KIRREL3: variants seen among roughly 807,000 people sequenced by gnomAD.
KIRREL3 encodes the protein kirre like nephrin family adhesion molecule 3, also known as kin of IRRE-like protein 3.
A neutral mutation model predicts 89.7 loss-of-function variants in KIRREL3; 36 were observed. The ratio of observed to expected loss-of-function variants is 0.40; its 90% CI spans 0.31 to 0.53. KIRREL3 has a LOEUF of 0.53. Ranked by LOEUF, KIRREL3 falls within the 20% of genes least tolerant of loss-of-function variation. The pLI is 0.49. For synonymous variants in KIRREL3, 445 were observed against 441.4 expected (o/e 1.01, Z -0.10); for missense variants, 864 against 1,056.6 (o/e 0.82, Z 2.53).
chr11:126,777,406 G>A lies in KIRREL3; in HGVS notation c.56-214494C>T, dbSNP rs998774256. Among the ~76,000 whole-genome samples the A allele has an allele frequency of 2.6e-5, 4 of 152,316 alleles. No homozygotes were observed. In the South Asian group the frequency reaches 8.3e-4, roughly 32 times the overall value. On this transcript the variant is annotated intron_variant, in intron 1 of 16. Coordinates refer to ENST00000525144, the MANE Select transcript of KIRREL3 (RefSeq NM_032531.4). ...AGAGTTAATGAAGGCAATGGCAAGA[G>A]ATGAGGCTGAAAATGTAGGTTGGAG...
chr11:126,745,013 C>T (rs1292906176), intron 1 of KIRREL3, among the ~76,000 whole-genome samples: 3 of 152,150 alleles, frequency 2.0e-5, no homozygotes, highest in African/African-American at 7.2e-5. Context: ...GTTGCATATT[C>T]TGGTTAGAGG....
chr11:126,807,264 A>C lies in KIRREL3; in HGVS notation c.55+193191T>G, dbSNP rs1426071251. 1.3e-5 allele frequency among the ~76,000 whole-genome samples: 2 copies of C among 152,214 alleles called. No individual in the cohort carries two copies. The highest frequency in any genetic ancestry group is 2.9e-5 in the Non-Finnish European group (2 of 68,040). On this transcript the variant is annotated intron_variant, in intron 1 of 16. Transcript: ENST00000525144. This position sits in a 1 kb window ranked among gnomAD's most constrained non-coding sequence, Gnocchi z 4.3. ...CCTATACTTCTAACAAAGAAATGTC[A>C]TCTGAAATTTTACAATGGAGCACAG...
rs1948908367 is a variant in KIRREL3 at position 126,739,436 on chromosome 11, A to G, written c.56-176524T>C. Among the ~76,000 whole-genome samples the G allele has an allele frequency of 6.6e-6, 1 of 152,236 alleles. No homozygotes were observed. Among genetic ancestry groups the G allele is most frequent in the South Asian group, 2.1e-4 (1 of 4,828 alleles). ...CTGAGACATGAAGGGATCTGGGTAA[A>G]GCAAAACAGCTCTTGAGTAGTATTT... On this transcript the variant is annotated intron_variant, in intron 1 of 16. Coordinates refer to ENST00000525144, the MANE Select transcript of KIRREL3 (RefSeq NM_032531.4). The surrounding 1 kb of genome is among the most constrained non-coding windows in gnomAD (Gnocchi z 5.5).
At position 126,722,475 on chromosome 11, in the gene KIRREL3, C is replaced by T. The variant is rs758800652; in HGVS notation, c.56-159563G>A. Among the ~76,000 whole-genome samples the T allele has an allele frequency of 4.6e-5, 7 of 152,246 alleles. No homozygotes were observed. The South Asian group carries it at 1.0e-3, about 23-fold the overall frequency. On this transcript the variant is annotated intron_variant, in intron 1 of 16. Transcript: ENST00000525144. ...TTACACCATATCAGGGGTTGGCAAACGATGGCCCTTGGGGCCAAATTCAGT... is the reference window on the plus strand; with the variant it reads ...TTACACCATATCAGGGGTTGGCAAATGATGGCCCTTGGGGCCAAATTCAGT...
At position 126,677,522 on chromosome 11, in the gene KIRREL3, G is replaced by A. The variant is rs12792991; in HGVS notation, c.56-114610C>T. On this transcript the variant is annotated intron_variant, in intron 1 of 16. Transcript: ENST00000525144. This position sits in a 1 kb window ranked among gnomAD's most constrained non-coding sequence, Gnocchi z 5.1. ...ATTTTAGTTGAGAGTGCTGAGGTTC[G>A]GAGGTGAAATGACTTGTCAGAGGCC... is the stretch of plus-strand genomic sequence containing the variant. Among the ~76,000 whole-genome samples, 14,138 of 152,186 alleles carry A rather than the reference G, an allele frequency of 0.093. 727 individuals carry two copies. Among genetic ancestry groups the A allele is most frequent in the Middle Eastern group, 0.13 (39 of 294 alleles).
At chr11:126,820,689 C>G (rs1050443697) in intron 1 of KIRREL3, among the ~76,000 whole-genome samples, 7 of 151,918 alleles carry the variant, frequency 4.6e-5, no homozygotes, top group African/African-American at 7.2e-5. Context: ...GGAGATAGGA[C>G]AAGGCACAAG....
intron 5 of KIRREL3, among the ~76,000 whole-genome samples, chr11:126,468,364 C>T (rs1565479487): frequency 6.6e-6 from 1 of 152,250 alleles, no homozygotes; most frequent in African/African-American, 2.4e-5. Context: ...CCTCTGCAGC[C>T]GACACCCGCT....
At position 126,877,778 on chromosome 11, in the gene KIRREL3, T is replaced by G. The variant is rs1033629476; in HGVS notation, c.55+122677A>C. On this transcript the variant is annotated intron_variant, in intron 1 of 16. Transcript: ENST00000525144. This position sits in a 1 kb window ranked among gnomAD's most constrained non-coding sequence, Gnocchi z 4.9. ...AAAAATACAGGCATGACAGGAACAA[T>G]GTAACAGAGAAAGTGACATACAGTA... Among the ~76,000 whole-genome samples the G allele has an allele frequency of 6.6e-6, 1 of 152,096 alleles. No individual in the cohort carries two copies. The highest frequency in any genetic ancestry group is 1.5e-5 in the Non-Finnish European group (1 of 68,008).
In KIRREL3 at chr11:126,635,919, C is replaced by G. The variant is rs1978574; in HGVS notation, c.56-73007G>C. Among the ~76,000 whole-genome samples, 1,964 of 152,244 alleles carry G rather than the reference C, an allele frequency of 0.013. 59 individuals are homozygous for G. Among genetic ancestry groups the G allele is most frequent in the African/African-American group, 0.045 (1,876 of 41,536 alleles). ...AATAACAAACCATTCTAGGGAACAA[C>G]TTGGTTATTTTTGGGTCATGGGCAG... On this transcript the variant is annotated intron_variant, in intron 1 of 16. Coordinates refer to ENST00000525144, the MANE Select transcript of KIRREL3 (RefSeq NM_032531.4). This position sits in a 1 kb window ranked among gnomAD's most constrained non-coding sequence, Gnocchi z 4.0.
chr11:126,448,279 CAA>C (rs55787866), intron 8 of KIRREL3, among the ~76,000 whole-genome samples: 5,045 of 95,172 alleles, frequency 0.053, 182 homozygotes, highest in African/African-American at 0.16. Context: ...GAGACTGTCT[CAA>C]AAAAAAAAAA....
At position 126,744,687 on chromosome 11, in the gene KIRREL3, T is replaced by C. The variant is rs1949086688; in HGVS notation, c.56-181775A>G. 6.6e-6 allele frequency among the ~76,000 whole-genome samples: 1 copy of C among 152,188 alleles called. No individual in the cohort carries two copies. The highest frequency in any genetic ancestry group is 1.5e-5 in the Non-Finnish European group (1 of 68,036). On this transcript the variant is annotated intron_variant, in intron 1 of 16. Transcript: ENST00000525144. This position sits in a 1 kb window ranked among gnomAD's most constrained non-coding sequence, Gnocchi z 4.7. ...GTGCCCCATGGTGCTGGCAATAGTG[T>C]CTCGTGGAAACTAAGGACCCGATGA...
intron 1 of KIRREL3, among the ~76,000 whole-genome samples, chr11:126,847,152 C>T (rs771087188): frequency 6.6e-6 from 1 of 152,048 alleles, no homozygotes; most frequent in Non-Finnish European, 1.5e-5. Context: ...TGAAATTTGG[C>T]TTTTTTGGTA....
intron 1 of KIRREL3, among the ~76,000 whole-genome samples, chr11:126,633,540 C>G (rs1944138494): frequency 6.6e-6 from 1 of 152,128 alleles, no homozygotes; most frequent in Admixed American, 6.5e-5. Flanking sequence ...GCACCTCCCC[C>G]TCGCCTTGCT....
rs112184575 is a variant in KIRREL3 at position 126,663,600 on chromosome 11, C to T, written c.56-100688G>A. On this transcript the variant is annotated intron_variant, in intron 1 of 16. Transcript: ENST00000525144. The stretch of plus-strand genomic sequence containing the variant: ...TTAAAACATCTCATGGAAGCGTATG[C>T]TTCTGTGCTTTCCTGGAAAATGTAC... 4.2e-3 allele frequency among the ~76,000 whole-genome samples: 642 copies of T among 152,322 alleles called. 8 individuals are homozygous for T. The highest frequency in any genetic ancestry group is 0.015 in the African/African-American group (619 of 41,570).
At chr11:126,487,868 G>A (rs1001567764) in intron 4 of KIRREL3, among the ~76,000 whole-genome samples, 7 of 152,236 alleles carry the variant, frequency 4.6e-5, no homozygotes, top group African/African-American at 1.4e-4. Flanking sequence ...TGGCCGCCCC[G>A]CACTCCAGCA....
rs553877836 is a variant in KIRREL3 at position 126,427,562 on chromosome 11, G to A, written c.1806+1617C>T. On this transcript the variant is annotated intron_variant, in intron 15 of 16. Transcript: ENST00000525144. This position sits in a 1 kb window ranked among gnomAD's most constrained non-coding sequence, Gnocchi z 5.3. Reference sequence around the variant, plus strand: ...CAGGCCTTTGAAGTCCAAAAGATTCGAAGGCCAGGAATCAAGCTCTTTGGC... The same window carrying A: ...CAGGCCTTTGAAGTCCAAAAGATTCAAAGGCCAGGAATCAAGCTCTTTGGC... Among the ~76,000 whole-genome samples, 3 of 152,278 alleles carry A rather than the reference G, an allele frequency of 2.0e-5. No homozygotes were observed. The highest frequency in any genetic ancestry group is 7.2e-5 in the African/African-American group (3 of 41,550).
In KIRREL3 at chr11:126,424,857, C is replaced by T. The variant is rs369807345; in HGVS notation, c.2060G>A (p.Arg687His). 1.1e-5 allele frequency: 18 copies of T among 1,613,794 alleles called. No individual in the cohort carries two copies. Among genetic ancestry groups the T allele is most frequent in the African/African-American group, 1.1e-4 (8 of 74,948 alleles). Residue 687 changes from arginine (R) to histidine (H), a missense_variant, in exon 17 of 17, where the codon CGC (arginine) becomes CAC (histidine). Coordinates refer to ENST00000525144, the MANE Select transcript of KIRREL3 (RefSeq NM_032531.4). ...NIYSTLSGQG[R>H]LYDYGQRFVL... The stretch of plus-strand genomic sequence containing the variant: ...AAACCGCTGCCCGTAGTCGTAGAGG[C>T]GGCCCTGGCCGCTCAGGGTGCTGTA...
chr11:126,815,344 C>T (rs1592166317), intron 1 of KIRREL3, among the ~76,000 whole-genome samples: 1 of 152,138 alleles, frequency 6.6e-6, no homozygotes, highest in African/African-American at 2.4e-5. Context: ...CTGTTCTTAG[C>T]TCTCACTTCT....
At chr11:126,466,509 G>T (rs1401908520) in intron 5 of KIRREL3, among the ~76,000 whole-genome samples, 1 of 152,244 alleles carries the variant, frequency 6.6e-6, no homozygotes, top group Non-Finnish European at 1.5e-5. Flanking sequence ...CCCTGCACCT[G>T]CAGGACAGGG....
Sources: gnomAD v4.1 joint callset for allele counts (sites outside exome capture counted in the v4.1 genomes callset) on GRCh38, gnomAD v4.1.1 for gene constraint, Gnocchi (gnomAD v3.1) non-coding constraint, MANE v1.5 for transcripts, NCBI Gene and HGNC (gene_info 2026-07-23, HGNC 2026-07-21) for gene names.